SH2B3: variants seen among roughly 807,000 people sequenced by gnomAD.
The protein encoded by SH2B3 is SH2B adaptor protein 3.
A neutral mutation model predicts 51.9 loss-of-function variants in SH2B3; 43 were observed. That is an observed-to-expected ratio of 0.83 (90% CI 0.65 to 1.07). The LOEUF (loss-of-function observed/expected upper bound fraction) is 1.07. Ranked by LOEUF, SH2B3 falls within the 50% of genes least tolerant of loss-of-function variation. SH2B3 has a pLI of 0.00. For synonymous variants in SH2B3, 396 were observed against 376.0 expected (o/e 1.05, Z -0.62); for missense variants, 952 against 834.3 (o/e 1.14, Z -1.74).
chr12:111,419,671 T>C (rs1016666054), intron 2 of SH2B3, among the ~76,000 whole-genome samples: 2 of 151,970 alleles, frequency 1.3e-5, no homozygotes, highest in African/African-American at 4.8e-5. Context: ...TACAGGAAAG[T>C]TGCAAAGATA....
At chr12:111,432,803 G>C (rs1872592455) in intron 2 of SH2B3, among the ~76,000 whole-genome samples, 1 of 152,146 alleles carries the variant, frequency 6.6e-6, no homozygotes, top group Non-Finnish European at 1.5e-5. Flanking sequence ...TTAGCATCAT[G>C]TTTTCCAGGT....
chr12:111,412,421 G>T (rs569250493), intron 1 of SH2B3, among the ~76,000 whole-genome samples: 4 of 152,150 alleles, frequency 2.6e-5, no homozygotes, highest in Non-Finnish European at 4.4e-5. Context: ...TCCCCATGAC[G>T]CCCCGAGCCC....
chr12:111,424,587 G>C (rs1348273933), intron 2 of SH2B3, among the ~76,000 whole-genome samples: 1 of 152,128 alleles, frequency 6.6e-6, no homozygotes, highest in African/African-American at 2.4e-5. Context: ...GCCCTGGCTG[G>C]CTGGGGCTCT....
chr12:111,415,608 T>C (rs1365742510), intron 1 of SH2B3, among the ~76,000 whole-genome samples: 1 of 151,340 alleles, frequency 6.6e-6, no homozygotes, highest in Non-Finnish European at 1.5e-5. Context: ...GTTTTTGTTT[T>C]TGTGTGTGTG....
chr12:111,448,131 C>G lies in SH2B3; in HGVS notation c.1557C>G (p.Ser519=). The G allele has an allele frequency of 6.2e-7, 1 of 1,614,122 alleles. No homozygotes were observed. Among genetic ancestry groups the G allele is most frequent in the Non-Finnish European group, 8.5e-7 (1 of 1,180,004 alleles). ...GCCCAGAGGGTCTCCCAGGGCGATCCTCACCCCCCGAGCAGATCTTCCACC... is the reference window on the plus strand; with the variant it reads ...GCCCAGAGGGTCTCCCAGGGCGATCGTCACCCCCCGAGCAGATCTTCCACC... The part of the protein sequence containing the change: ...GLSPEGLPGR[S]SPPEQIFHLV... The change falls in exon 8 of 8, where the codon TCC becomes TCG. Residue 519 remains serine, a synonymous_variant. Coordinates refer to ENST00000341259, the MANE Select transcript of SH2B3 (RefSeq NM_005475.3).
intron 2 of SH2B3, chr12:111,444,729 T>A (rs1007770035): frequency 1.8e-5 from 18 of 985,474 alleles, no homozygotes; most frequent in Middle Eastern, 5.2e-4. Flanking sequence ...CTGGTGGTCC[T>A]TCCCTGCAGT....
rs556831634 is a variant in SH2B3 at position 111,417,042 on chromosome 12, T to C, written c.-27-1077T>C. Among the ~76,000 whole-genome samples, 4 of 152,058 alleles carry C rather than the reference T, an allele frequency of 2.6e-5. No individual in the cohort carries two copies. The South Asian group carries it at 8.3e-4, about 32-fold the overall frequency. ...TTTATGTATGTTCATGTAAATGGGA[T>C]TGTCTAGGGTGTCTTGTTCTGCCGT... On this transcript the variant is annotated intron_variant, in intron 1 of 7. Transcript: ENST00000341259.
rs745435652 is a variant in SH2B3, at chr12:111,435,980, C to T, written c.733-10773C>T. 1.6e-4 allele frequency among the ~76,000 whole-genome samples: 24 copies of T among 152,180 alleles called. No homozygotes were observed. Among genetic ancestry groups the T allele is most frequent in the Non-Finnish European group, 2.1e-4 (14 of 67,982 alleles). On this transcript the variant is annotated intron_variant, in intron 2 of 7. Coordinates refer to ENST00000341259, the MANE Select transcript of SH2B3 (RefSeq NM_005475.3). The surrounding 1 kb of genome is among the most constrained non-coding windows in gnomAD (Gnocchi z 4.8). ...CTGGAGTGGGGTCTGGTGGCCCTGC[C>T]GTGTATGGAGCTGAGTGCCGCCCAG...
chr12:111,413,588 TCA>T (rs922366907), intron 1 of SH2B3, among the ~76,000 whole-genome samples: 9 of 152,304 alleles, frequency 5.9e-5, no homozygotes, highest in Admixed American at 2.6e-4. Flanking sequence ...CAGTTGGGCT[TCA>T]AGACTCTGAC....
At chr12:111,417,162 A>G (rs878944822) in intron 1 of SH2B3, among the ~76,000 whole-genome samples, 1 of 152,196 alleles carries the variant, frequency 6.6e-6, no homozygotes, top group Non-Finnish European at 1.5e-5. Context: ...CTTCCAGCCT[A>G]TAGATGGGCC....
In SH2B3 at chr12:111,450,914, C is replaced by T. The variant is rs1874523838; in HGVS notation, c.*2612C>T. The T allele has an allele frequency of 6.6e-6, 1 of 152,628 alleles. No individual in the cohort carries two copies. The highest frequency in any genetic ancestry group is 1.5e-5 in the Non-Finnish European group (1 of 68,252). 9.5% of individuals were successfully genotyped at this position (152,628 alleles called of 1,614,324 possible). A position where few individuals can be genotyped will look rare whatever the true frequency, so the allele number is the denominator to read the frequency against. ...CACATCCCACCACTCTCCTTCCAGT[C>T]CTGACCAGGCCCCAGCCGGCAACTT... On this transcript the variant is annotated 3_prime_UTR_variant, in exon 8 of 8. Coordinates refer to ENST00000341259, the MANE Select transcript of SH2B3 (RefSeq NM_005475.3).
In SH2B3 at chr12:111,418,712, G is replaced by T; in HGVS notation, c.567G>T (p.Arg189=). Residue 189 remains arginine (R), a synonymous_variant, in exon 2 of 8, where the codon CGG becomes CGT. Transcript: ENST00000341259. This position sits in a 1 kb window ranked among gnomAD's most constrained non-coding sequence, Gnocchi z 6.7. The part of the protein sequence containing the change: ...AKKFLPWSLA[R]EPPPEALKEA... Reference sequence around the variant, plus strand: ...AGTTCCTGCCCTGGAGCCTGGCCCGGGAGCCGCCACCCGAGGCGCTGAAGG... The same window carrying T: ...AGTTCCTGCCCTGGAGCCTGGCCCGTGAGCCGCCACCCGAGGCGCTGAAGG... The T allele has an allele frequency of 6.7e-7, 1 of 1,485,766 alleles. No homozygotes were observed. The allele number at this position is 1,485,766 out of a possible 1,614,324, so 92.0% of individuals were successfully genotyped here. A position where few individuals can be genotyped will look rare whatever the true frequency, so the allele number is the denominator to read the frequency against.
At position 111,418,790 on chromosome 12, in the gene SH2B3, A is replaced by T. The variant is rs1406134838; in HGVS notation, c.645A>T (p.Ala215=). The change falls in exon 2 of 8, where the codon GCA becomes GCT. Residue 215 remains alanine (A), a synonymous_variant. Transcript: ENST00000341259. The surrounding 1 kb of genome is among the most constrained non-coding windows in gnomAD (Gnocchi z 6.7). The stretch of plus-strand genomic sequence containing the variant: ...ACGAGGCCTCCATGGACAGCGGGGC[A>T]CGCTGGCAGCGCGGGAGGCTGGCGC... ...LADEASMDSG[A]RWQRGRLALR... is the part of the protein sequence containing the mutation. 3 of 1,459,180 alleles carry T rather than the reference A, an allele frequency of 2.1e-6. No homozygotes were observed. The African/African-American group carries it at 4.5e-5, about 22-fold the overall frequency. 90.4% of individuals were successfully genotyped at this position (1,459,180 alleles called of 1,614,324 possible).
chr12:111,444,830 C>T, intron 2 of SH2B3: 1 of 985,628 alleles, frequency 1.0e-6, no homozygotes, highest in Non-Finnish European at 1.2e-6. Flanking sequence ...CTGGCTGGAG[C>T]CTCTGGCATA....
intron 1 of SH2B3, among the ~76,000 whole-genome samples, chr12:111,414,857 G>C (rs1378786660): frequency 3.3e-5 from 5 of 152,172 alleles, no homozygotes. Context: ...TCCCTTTCAT[G>C]GGTTCCTTAC....
At position 111,435,241 on chromosome 12, in the gene SH2B3, G is replaced by A. The variant is rs1209047737; in HGVS notation, c.733-11512G>A. Among the ~76,000 whole-genome samples, 1 of 152,318 alleles carries A rather than the reference G, an allele frequency of 6.6e-6. No homozygotes were observed. The highest frequency in any genetic ancestry group is 2.4e-5 in the African/African-American group (1 of 41,576). ...CTTTGTGGCAGGGGGATGGGCCGTC[G>A]GTGCCCCATTCAAGCCTGGGGACCT... On this transcript the variant is annotated intron_variant, in intron 2 of 7. Transcript: ENST00000341259. This position sits in a 1 kb window ranked among gnomAD's most constrained non-coding sequence, Gnocchi z 4.8.
chr12:111,418,755 A>G lies in SH2B3; in HGVS notation c.610A>G (p.Ser204Gly). The G allele has an allele frequency of 5.4e-6, 8 of 1,480,708 alleles. No homozygotes were observed. The highest frequency in any genetic ancestry group is 7.1e-6 in the Non-Finnish European group (8 of 1,123,732). 91.7% of individuals were successfully genotyped at this position (1,480,708 alleles called of 1,614,324 possible). The change falls in exon 2 of 8, where the codon AGC (serine) becomes GGC (glycine). Residue 204 changes from serine to glycine, a missense_variant. Coordinates refer to ENST00000341259, the MANE Select transcript of SH2B3 (RefSeq NM_005475.3). The surrounding 1 kb of genome is among the most constrained non-coding windows in gnomAD (Gnocchi z 6.7). Reference protein sequence around the residue: ...EALKEAVLRYSLADEASMDSG... With the variant: ...EALKEAVLRYGLADEASMDSG... The stretch of plus-strand genomic sequence containing the variant: ...GCTGAAGGAGGCGGTGCTGCGCTAC[A>G]GCCTGGCCGACGAGGCCTCCATGGA...
At position 111,435,392 on chromosome 12, in the gene SH2B3, T is replaced by C. The variant is rs1169864326; in HGVS notation, c.733-11361T>C. 6.6e-6 allele frequency among the ~76,000 whole-genome samples: 1 copy of C among 152,188 alleles called. No individual in the cohort carries two copies. Among genetic ancestry groups the C allele is most frequent in the East Asian group, 1.9e-4 (1 of 5,192 alleles). On this transcript the variant is annotated intron_variant, in intron 2 of 7. Transcript: ENST00000341259. This position sits in a 1 kb window ranked among gnomAD's most constrained non-coding sequence, Gnocchi z 4.8. ...TTTTTTTTGTTTTTGAGAGGGCATC[T>C]TGAAGTAGCCCAAGCTGGAGTGCAG...
chr12:111,428,944 G>A (rs1168668976), intron 2 of SH2B3, among the ~76,000 whole-genome samples: 1 of 152,002 alleles, frequency 6.6e-6, no homozygotes, highest in Non-Finnish European at 1.5e-5. Context: ...GCCTCCGGGT[G>A]TGGGAAAGGG....
Sources: allele counts gnomAD v4.1 joint callset (sites outside exome capture counted in the v4.1 genomes callset), GRCh38; gene constraint gnomAD v4.1.1; non-coding constraint Gnocchi (gnomAD v3.1); transcripts MANE v1.5; gene names NCBI Gene and HGNC (gene_info 2026-07-23, HGNC 2026-07-21).